MTMR2: variants seen among roughly 807,000 people sequenced by gnomAD.
MTMR2 encodes the protein phosphatidylinositol-3,5-bisphosphate 3-phosphatase MTMR2.
MTMR2 carries 55 observed loss-of-function variants against 86.9 expected under a neutral mutation model. The ratio of observed to expected loss-of-function variants is 0.63; its 90% confidence interval spans 0.51 to 0.79. The LOEUF is 0.79. Ranked by LOEUF, MTMR2 falls within the 30% of genes least tolerant of loss-of-function variation. MTMR2 has a pLI of 0.00. For synonymous variants in MTMR2, 241 were observed against 266.8 expected, an observed-to-expected ratio of 0.90 and a Z score of 0.94; for missense variants, 659 against 772.3, an observed-to-expected ratio of 0.85 and a Z score of 1.74.
At chr11:95,874,870 G>T (rs1865043386) in intron 2 of MTMR2, among the ~76,000 whole-genome samples, 1 of 152,104 alleles carries the variant, frequency 6.6e-6, no homozygotes, top group South Asian at 2.1e-4. Context: ...AGTTTGGCTG[G>T]ATATGAAATT....
At chr11:95,882,757 C>G (rs1007538178) in intron 2 of MTMR2, among the ~76,000 whole-genome samples, 3 of 148,008 alleles carry the variant, frequency 2.0e-5, no homozygotes, top group Non-Finnish European at 4.5e-5. Flanking sequence ...GAGTCTCACT[C>G]TGTCGCCCAG....
intron 2 of MTMR2, chr11:95,882,282 G>A (rs1865354233): frequency 6.6e-6 from 1 of 152,146 alleles, no homozygotes; most frequent in Non-Finnish European, 1.5e-5. Flanking sequence ...GGCGGATCAT[G>A]AGATCAGAAG....
chr11:95,846,316 C>T (rs1863788831), intron 10 of MTMR2, among the ~76,000 whole-genome samples: 1 of 152,214 alleles, frequency 6.6e-6, no homozygotes, highest in Non-Finnish European at 1.5e-5. Flanking sequence ...AAGGTAGATA[C>T]TGCTCTAGGC....
At chr11:95,839,372 C>T (rs1863438272) in intron 12 of MTMR2, among the ~76,000 whole-genome samples, 1 of 152,002 alleles carries the variant, frequency 6.6e-6, no homozygotes, top group South Asian at 2.1e-4. Context: ...ACACTCTTAA[C>T]AGCCCTATTA....
At chr11:95,844,883 AAAC>A (rs1863706070) in intron 11 of MTMR2, 67 bp downstream of exon 11, 2 of 1,383,554 alleles carry the variant, frequency 1.4e-6, no homozygotes, top group Non-Finnish European at 2.1e-6. Flanking sequence ...TTATTTTAAA[AAAC>A]ACATTTTTTT....
At chr11:95,902,214 G>T (rs979941585) in intron 1 of MTMR2, among the ~76,000 whole-genome samples, 42 of 152,064 alleles carry the variant, frequency 2.8e-4, no homozygotes, top group African/African-American at 1.0e-3. Flanking sequence ...CATATAATTG[G>T]TTATTTATTC....
chr11:95,837,998 A>G, intron 13 of MTMR2, 96 bp downstream of exon 13: 1 of 806,530 alleles, frequency 1.2e-6, no homozygotes, highest in African/African-American at 1.7e-5. Context: ...ATGACCCAAA[A>G]GAATGACTTC....
At chr11:95,893,837 T>C (rs1865794034) in intron 1 of MTMR2, among the ~76,000 whole-genome samples, 1 of 152,284 alleles carries the variant, frequency 6.6e-6, no homozygotes, top group Middle Eastern at 3.4e-3. Flanking sequence ...ACACCACTTC[T>C]CTGGACTAGT....
At chr11:95,900,032 A>G (rs1866014099) in intron 1 of MTMR2, among the ~76,000 whole-genome samples, 1 of 152,186 alleles carries the variant, frequency 6.6e-6, no homozygotes, top group South Asian at 2.1e-4. Context: ...AGAGGAACTT[A>G]GGTCAGTTAA....
rs746674424 is a variant in MTMR2 at position 95,858,652 on chromosome 11, C to A, written c.469-20G>T. The A allele has an allele frequency of 1.6e-5, 23 of 1,474,506 alleles. No homozygotes were observed. Among genetic ancestry groups the A allele is most frequent in the Non-Finnish European group, 1.8e-5 (19 of 1,054,128 alleles). The allele number at this position is 1,474,506 out of a possible 1,614,324, so 91.3% of individuals were successfully genotyped here. A position where few individuals can be genotyped will look rare whatever the true frequency, so the allele number is the denominator to read the frequency against. On this transcript the variant is annotated intron_variant, in intron 5 of 14. Transcript: ENST00000346299. ...AATATCCTAGAAAAGATTTAGGAAC[C>A]AAGTTAATAATTGTTCACTACTTAC...
intron 2 of MTMR2, among the ~76,000 whole-genome samples, chr11:95,878,594 T>C (rs975649423): frequency 6.6e-6 from 1 of 152,146 alleles, no homozygotes; most frequent in Non-Finnish European, 1.5e-5. Context: ...TAACATATTA[T>C]TCTATATATC....
chr11:95,894,837 T>C (rs1865826734), intron 1 of MTMR2, among the ~76,000 whole-genome samples: 3 of 152,134 alleles, frequency 2.0e-5, no homozygotes, highest in Admixed American at 6.6e-5. Flanking sequence ...GGGTACATGA[T>C]TACATCACCA....
chr11:95,922,236 G>T (rs1866954065), intron 1 of MTMR2, among the ~76,000 whole-genome samples: 1 of 152,184 alleles, frequency 6.6e-6, no homozygotes, highest in South Asian at 2.1e-4. Context: ...TTCAGCATGG[G>T]AGCTTCCTAA....
rs199840949 is a variant in MTMR2, at chr11:95,858,376, A to G, written c.570+155T>C. 2.8e-4 allele frequency among the ~76,000 whole-genome samples: 43 copies of G among 152,308 alleles called. No homozygotes were observed. The East Asian group carries it at 8.3e-3, about 29-fold the overall frequency. ...CTTCCTTTATTTCATACCTAAAGAA[A>G]TTGATCTAAGAGACTAAGTTACACT... On this transcript the variant is annotated intron_variant, in intron 6 of 14. Transcript: ENST00000346299.
At chr11:95,883,259 T>C (rs1356851645) in intron 2 of MTMR2, among the ~76,000 whole-genome samples, 1 of 152,188 alleles carries the variant, frequency 6.6e-6, no homozygotes, top group African/African-American at 2.4e-5. Flanking sequence ...TAAAATCCTA[T>C]ATTTTGTGGG....
At chr11:95,878,088 T>A (rs868761032) in intron 2 of MTMR2, among the ~76,000 whole-genome samples, 6 of 150,692 alleles carry the variant, frequency 4.0e-5, no homozygotes, top group Non-Finnish European at 5.9e-5. Context: ...TGGTACGTCA[T>A]ACAAAGGAAT....
intron 1 of MTMR2, among the ~76,000 whole-genome samples, chr11:95,920,679 T>C (rs1866887854): frequency 2.1e-5 from 3 of 144,746 alleles, no homozygotes; most frequent in South Asian, 2.1e-4. Flanking sequence ...ATCACATGTT[T>C]ATTGTGAACT....
At chr11:95,841,589 G>A (rs369133378) in intron 12 of MTMR2, 28 bp downstream of exon 12, 2 of 1,496,294 alleles carry the variant, frequency 1.3e-6, no homozygotes, top group East Asian at 2.3e-5. Flanking sequence ...AAGGAGATGT[G>A]TAAGAATACA....
chr11:95,861,748 GTT>G (rs1176040826), intron 5 of MTMR2, among the ~76,000 whole-genome samples: 1 of 152,112 alleles, frequency 6.6e-6, no homozygotes, highest in Non-Finnish European at 1.5e-5. Context: ...TAAAAAATAA[GTT>G]ATGAATTTGT....
Sources: gnomAD v4.1 joint callset for allele counts (sites outside exome capture counted in the v4.1 genomes callset) on GRCh38, gnomAD v4.1.1 for gene constraint, MANE v1.5 for transcripts, NCBI Gene and HGNC (gene_info 2026-07-23, HGNC 2026-07-21) for gene names.